Variants in LRRC53 observed in about 807,000 individuals in gnomAD.
The protein encoded by LRRC53 is leucine-rich repeat-containing protein 53.
In LRRC53, 25 loss-of-function variants were observed where a neutral mutation model predicts 13.6. The observed-to-expected ratio is 1.83, with a 90% CI of 1.34 to 2.56. The LOEUF is 2.56. Ranked by LOEUF, LRRC53 falls within the 30% of genes most tolerant of loss-of-function variation. LRRC53 has a pLI of 0.00. For synonymous variants in LRRC53, 204 were observed against 109.8 expected (o/e 1.86, Z -5.37); for missense variants, 527 against 275.8 (o/e 1.91, Z -6.45).
intron 1 of LRRC53, among the ~76,000 whole-genome samples, chr1:74,497,614 A>G (rs1669395449): frequency 1.3e-5 from 2 of 151,726 alleles, no homozygotes; most frequent in South Asian, 2.1e-4. Context: ...CTACACACAC[A>G]TACATTCCTC....
rs1570663791 is a variant in LRRC53, at chr1:74,471,477, T to G, written c.2145A>C (p.Gln715His). The G allele has an allele frequency of 7.5e-6, 3 of 400,686 alleles. No homozygotes were observed. In the Admixed American group the frequency reaches 1.3e-4, roughly 18 times the overall value. 24.8% of individuals were successfully genotyped at this position (400,686 alleles called of 1,614,324 possible). ...QSDLKGKIKGQNLKLNLHPFR... is the reference protein window; with the variant it reads ...QSDLKGKIKGHNLKLNLHPFR... Reference sequence around the variant, plus strand: ...AAGGATGTAAATTTAATTTTAAGTTTTGTCCTTTAATTTTCCCTTTGAGGT... The same window carrying G: ...AAGGATGTAAATTTAATTTTAAGTTGTGTCCTTTAATTTTCCCTTTGAGGT... Residue 715 changes from glutamine to histidine, a missense_variant, in exon 5 of 5, where the codon CAA becomes CAC. By Grantham distance (24) the Gln-to-His change is conservative. Coordinates refer to ENST00000294635, the MANE Select transcript of LRRC53 (RefSeq NM_001382280.1).
Position 74,470,645 on chromosome 1 carries a change from C to T in LRRC53, c.2977G>A (p.Asp993Asn), listed in dbSNP as rs1667881430. The change falls in exon 5 of 5, where the codon GAT becomes AAT. Residue 993 changes from aspartate to asparagine, a missense_variant. Coordinates refer to ENST00000294635, the MANE Select transcript of LRRC53 (RefSeq NM_001382280.1). ...ENCIMDKEEN[D>N]VEKKLSKTET... ...GTTTTTGAAAGTTTTTTTTCTACAT[C>T]ATTTTCTTCCTTATCCATAATACAA... 2.5e-6 allele frequency: 1 copy of T among 400,540 alleles called. No individual in the cohort carries two copies. The highest frequency in any genetic ancestry group is 1.3e-4 in the South Asian group (1 of 7,932). 24.8% of individuals were successfully genotyped at this position (400,540 alleles called of 1,614,324 possible). A position where few individuals can be genotyped will look rare whatever the true frequency, so the allele number is the denominator to read the frequency against.
Position 74,503,869 on chromosome 1 carries a change from A to G in LRRC53, c.-27+8657T>C, listed in dbSNP as rs1166392934. Among the ~76,000 whole-genome samples the G allele has an allele frequency of 5.9e-5, 9 of 152,178 alleles. 1 individual carries two copies. The highest frequency in any genetic ancestry group is 5.2e-4 in the Admixed American group (8 of 15,272). ...GGGCTGAAAAGGGAAATATATAACT[A>G]TGCATGTTGATGTGACAGTGTGAAA... On this transcript the variant is annotated intron_variant, in intron 1 of 4. Coordinates refer to ENST00000294635, the MANE Select transcript of LRRC53 (RefSeq NM_001382280.1).
the LRRC53 span, among the ~76,000 whole-genome samples, chr1:74,523,131 C>T: frequency 6.6e-6 from 1 of 152,168 alleles, no homozygotes; most frequent in Non-Finnish European, 1.5e-5. Context: ...AGGCAAGTTG[C>T]CTGACCAATT....
the LRRC53 span, among the ~76,000 whole-genome samples, chr1:74,518,512 C>T: frequency 6.6e-6 from 1 of 152,142 alleles, no homozygotes. Context: ...CTCAATATGC[C>T]TTCTTTTTAG....
At chr1:74,500,145 ACCTC>A (rs1669534977) in intron 1 of LRRC53, among the ~76,000 whole-genome samples, 1 of 151,804 alleles carries the variant, frequency 6.6e-6, no homozygotes, top group East Asian at 1.9e-4. Context: ...TTCTCTCCTG[ACCTC>A]TATAATACCT....
At chr1:74,502,280 C>T (rs530725908) in intron 1 of LRRC53, among the ~76,000 whole-genome samples, 54 of 152,216 alleles carry the variant, frequency 3.5e-4, no homozygotes, top group Admixed American at 2.2e-3. Context: ...GAACAGTGCC[C>T]GGTACATGGT....
intron 4 of LRRC53, among the ~76,000 whole-genome samples, chr1:74,474,172 T>TC (rs1177003553): frequency 1.3e-5 from 2 of 152,126 alleles, no homozygotes; most frequent in East Asian, 3.9e-4. Flanking sequence ...TATAGGAGTT[T>TC]CCCACAGAGA....
Position 74,483,393 on chromosome 1 carries a change from G to A in LRRC53, c.-26-18C>T. 1.4e-6 allele frequency: 1 copy of A among 716,306 alleles called. No homozygotes were observed. The highest frequency in any genetic ancestry group is 2.6e-6 in the Non-Finnish European group (1 of 384,460). The allele number at this position is 716,306 out of a possible 1,614,324, so 44.4% of individuals were successfully genotyped here. On this transcript the variant is annotated intron_variant, in intron 1 of 4. Transcript: ENST00000294635. The stretch of plus-strand genomic sequence containing the variant: ...CCATCCACCTGAAAGGAAAGTAGAG[G>A]GCAATGTATATCATAATGTTGGCAT...
intron 1 of LRRC53, among the ~76,000 whole-genome samples, chr1:74,484,330 A>G: frequency 6.6e-6 from 1 of 152,184 alleles, no homozygotes; most frequent in East Asian, 1.9e-4. Flanking sequence ...TCATTTGTTC[A>G]ACAAGCATTT....
At chr1:74,526,900 A>G in the LRRC53 span, among the ~76,000 whole-genome samples, 8 of 152,224 alleles carry the variant, frequency 5.3e-5, no homozygotes, top group African/African-American at 1.9e-4. Flanking sequence ...GAATACAGCC[A>G]CACTCATTTG....
At chr1:74,485,735 C>A (rs181938873) in intron 1 of LRRC53, among the ~76,000 whole-genome samples, 87 of 152,244 alleles carry the variant, frequency 5.7e-4, no homozygotes, top group African/African-American at 1.9e-3. Flanking sequence ...GTGCCCTTGC[C>A]GGTTAGGAAA....
chr1:74,478,762 G>GT (rs1176452543), intron 3 of LRRC53, among the ~76,000 whole-genome samples: 2 of 152,160 alleles, frequency 1.3e-5, no homozygotes, highest in Non-Finnish European at 2.9e-5. Context: ...GCATCTGTGT[G>GT]TTTTTATTGG....
At chr1:74,478,937 T>C (rs1484291994) in intron 3 of LRRC53, among the ~76,000 whole-genome samples, 2 of 152,226 alleles carry the variant, frequency 1.3e-5, no homozygotes, top group African/African-American at 4.8e-5. Flanking sequence ...TCCTAACATT[T>C]GAATTTCCTT....
rs1438293863 is a variant in LRRC53 at position 74,480,733 on chromosome 1, G to T, written c.324C>A (p.Ser108Arg). The change falls in exon 3 of 5, where the codon AGC becomes AGA. Residue 108 changes from serine (S) to arginine (R), a missense_variant. Coordinates refer to ENST00000294635, the MANE Select transcript of LRRC53 (RefSeq NM_001382280.1). ...TATTGCTCAGCACCAGTACCTGCAGGCTGTGAAGCTTGCTGAAGGTGTGAT... is the reference window on the plus strand; with the variant it reads ...TATTGCTCAGCACCAGTACCTGCAGTCTGTGAAGCTTGCTGAAGGTGTGAT... ...LTDHTFSKLH[S>R]LQVLVLSNNA... 2 of 717,474 alleles carry T rather than the reference G, an allele frequency of 2.8e-6. No individual in the cohort carries two copies. Among genetic ancestry groups the T allele is most frequent in the South Asian group, 3.0e-5 (2 of 67,592 alleles). 44.4% of individuals were successfully genotyped at this position (717,474 alleles called of 1,614,324 possible).
intron 1 of LRRC53, among the ~76,000 whole-genome samples, chr1:74,497,906 T>G (rs936905920): frequency 3.9e-5 from 6 of 152,186 alleles, no homozygotes; most frequent in African/African-American, 1.4e-4. Context: ...TACGTTCCAG[T>G]GGTTCTAAAC....
Position 74,472,110 on chromosome 1 carries a change from T to C in LRRC53, c.1512A>G (p.Ser504=). 1 of 717,294 alleles carries C rather than the reference T, an allele frequency of 1.4e-6. No individual in the cohort carries two copies. Among genetic ancestry groups the C allele is most frequent in the Non-Finnish European group, 2.6e-6 (1 of 384,880 alleles). 44.4% of individuals were successfully genotyped at this position (717,294 alleles called of 1,614,324 possible). A position where few individuals can be genotyped will look rare whatever the true frequency, so the allele number is the denominator to read the frequency against. The change falls in exon 5 of 5, where the codon TCA becomes TCG. Residue 504 remains serine, a synonymous_variant. Coordinates refer to ENST00000294635, the MANE Select transcript of LRRC53 (RefSeq NM_001382280.1). ...ESLEKRLTNE[S]WQPPIEKEDN... ...CTTCTTTTTCTATTGGAGGCTGCCA[T>C]GATTCATTTGTTAAACGCTTCTCAA...
chr1:74,492,398 C>T (rs945311440), intron 1 of LRRC53: 53 of 1,197,188 alleles, frequency 4.4e-5, no homozygotes, highest in African/African-American at 2.2e-4. Context: ...AGTTTTCAGC[C>T]CATTTTTCTT....
chr1:74,484,255 C>T (rs1487113026), intron 1 of LRRC53, among the ~76,000 whole-genome samples: 4 of 148,924 alleles, frequency 2.7e-5, no homozygotes, highest in South Asian at 4.2e-4. Context: ...AAACCCTCTA[C>T]CTATATAATA....
Sources: gnomAD v4.1 joint callset for allele counts (sites outside exome capture counted in the v4.1 genomes callset) on GRCh38, gnomAD v4.1.1 for gene constraint, MANE v1.5 for transcripts, NCBI Gene and HGNC (gene_info 2026-07-23, HGNC 2026-07-21) for gene names.